The following SENP7 variants were observed in gnomAD, a reference collection of about 807,000 sequenced individuals.
SENP7 encodes sentrin-specific protease 7.
Under a neutral mutation model 141.2 loss-of-function variants are expected in SENP7, and 64 were observed. The ratio of observed to expected loss-of-function variants is 0.45; its 90% CI spans 0.37 to 0.56. The LOEUF (loss-of-function observed/expected upper bound fraction) is 0.56, where lower values mean the gene tolerates loss of function less well. Among genes scored for constraint, SENP7 ranks in the 20% least tolerant of loss-of-function variants. The probability of loss-of-function intolerance (pLI) is 0.00; values close to 1 mark genes in which losing one functional copy is unlikely to be tolerated. For missense variants in SENP7, 1,025 were observed against 1,212.2 expected, an observed-to-expected ratio of 0.85 and a Z score of 2.29; for synonymous variants, 382 against 426.4, an observed-to-expected ratio of 0.90 and a Z score of 1.28.
At chr3:101,337,808 A>G (rs1288346639) in intron 16 of SENP7, among the ~76,000 whole-genome samples, 177 bp from the exon 17 acceptor site, 1 of 152,218 alleles carries the variant, frequency 6.6e-6, no homozygotes, top group Non-Finnish European at 1.5e-5. Context: ...TCCATCATGT[A>G]AAGCAGAAAT....
intron 17 of SENP7, among the ~76,000 whole-genome samples, chr3:101,334,361 A>G (rs1303823880): frequency 6.6e-6 from 1 of 152,186 alleles, no homozygotes; most frequent in Non-Finnish European, 1.5e-5. Flanking sequence ...ACAGGGGGAT[A>G]AAGGTGGTAT....
intron 7 of SENP7, among the ~76,000 whole-genome samples, chr3:101,369,583 T>C (rs2060125398): frequency 6.6e-6 from 1 of 152,166 alleles, no homozygotes; most frequent in African/African-American, 2.4e-5. Flanking sequence ...TTAAATTTTA[T>C]ATGTAATATT....
chr3:101,372,571 T>C (rs1003033666), intron 6 of SENP7, among the ~76,000 whole-genome samples: 4 of 152,114 alleles, frequency 2.6e-5, no homozygotes, highest in African/African-American at 9.6e-5. Flanking sequence ...TAGTATGTGG[T>C]AATAAATTTT....
Position 101,330,405 on chromosome 3 carries a change from G to C in SENP7, c.2699-19C>G, listed in dbSNP as rs554357929. ...TCATTATCTAGTTAGAAATAATTAA[G>C]CAGTTATGAGTGTTTATTGCATGTT... On this transcript the variant is annotated intron_variant, in intron 19 of 23. Transcript: ENST00000394095. 1 of 1,562,976 alleles carries C rather than the reference G, an allele frequency of 6.4e-7. No individual in the cohort carries two copies. The highest frequency in any genetic ancestry group is 1.1e-5 in the South Asian group (1 of 88,380).
rs894538361 is a variant in SENP7, at chr3:101,493,869, C to A, written c.186+4G>T. ...ACTTAAAATAAATTAATTTTATTTA[C>A]CACCTGCAAAGGGAGAGTCCAGCGT... On this transcript the variant is annotated splice_donor_region_variant and intron_variant, in intron 3 of 23. Coordinates refer to ENST00000394095, the MANE Select transcript of SENP7 (RefSeq NM_020654.5). 3.3e-6 allele frequency: 5 copies of A among 1,532,098 alleles called. No homozygotes were observed. In the Admixed American group the frequency reaches 5.1e-5, roughly 16 times the overall value. 94.9% of individuals were successfully genotyped at this position (1,532,098 alleles called of 1,614,324 possible).
At chr3:101,464,413 C>A (rs530626979) in intron 3 of SENP7, among the ~76,000 whole-genome samples, 1 of 152,158 alleles carries the variant, frequency 6.6e-6, no homozygotes, top group African/African-American at 2.4e-5. Context: ...CCTGTATTTA[C>A]AGCCACTCCC....
intron 13 of SENP7, among the ~76,000 whole-genome samples, chr3:101,344,221 T>C (rs553692112): frequency 1.3e-5 from 2 of 152,326 alleles, no homozygotes; most frequent in African/African-American, 4.8e-5. Context: ...CATTTAGTAA[T>C]AAACATTTGT....
At chr3:101,405,089 C>T (rs111318822) in intron 5 of SENP7, among the ~76,000 whole-genome samples, 193 of 152,206 alleles carry the variant, frequency 1.3e-3, no homozygotes, top group African/African-American at 3.6e-3. Flanking sequence ...TGTGGAAGCT[C>T]GCATCGTGAA....
At chr3:101,344,866 G>A (rs1185201905) in intron 13 of SENP7, among the ~76,000 whole-genome samples, 3 of 151,900 alleles carry the variant, frequency 2.0e-5, no homozygotes, top group African/African-American at 7.3e-5. Context: ...AGTTGGCCAG[G>A]CATGGTGGCT....
intron 2 of SENP7, among the ~76,000 whole-genome samples, chr3:101,499,000 G>C (rs548603320): frequency 3.5e-4 from 53 of 152,214 alleles, no homozygotes; most frequent in Non-Finnish European, 5.9e-4. Flanking sequence ...GGGACCACTG[G>C]TTTAAGGTAC....
chr3:101,455,286 T>C (rs1036531434), intron 4 of SENP7, among the ~76,000 whole-genome samples: 1 of 152,188 alleles, frequency 6.6e-6, no homozygotes, highest in African/African-American at 2.4e-5. Context: ...TTCCTCTCCA[T>C]TATAGTAAGA....
intron 2 of SENP7, 97 bp from the exon 3 acceptor site, chr3:101,494,065 G>A: frequency 1.7e-6 from 1 of 580,370 alleles, no homozygotes; most frequent in East Asian, 2.9e-5. Flanking sequence ...TCAATAATTT[G>A]CTAACTGTTT....
rs112369615 is a variant in SENP7, at chr3:101,351,829, A to C, written c.1624-178T>G. ...AAGACTTAGTTTTATGGAAATTTTAAGAACCCCATGTAAGTAATTTAATTC... is the reference window on the plus strand; with the variant it reads ...AAGACTTAGTTTTATGGAAATTTTACGAACCCCATGTAAGTAATTTAATTC... On this transcript the variant is annotated intron_variant, in intron 11 of 23. Transcript: ENST00000394095. Among the ~76,000 whole-genome samples the C allele has an allele frequency of 5.5e-3, 839 of 152,090 alleles. 12 individuals carry two copies. The highest frequency in any genetic ancestry group is 0.02 in the Middle Eastern group (6 of 294).
intron 3 of SENP7, among the ~76,000 whole-genome samples, chr3:101,489,506 C>T (rs200479463): frequency 6.6e-6 from 1 of 151,922 alleles, no homozygotes; most frequent in African/African-American, 2.4e-5. Flanking sequence ...GCAGGAGCCA[C>T]TATTCTTATA....
chr3:101,415,110 G>A (rs1426459025), intron 5 of SENP7, among the ~76,000 whole-genome samples: 1 of 86,076 alleles, frequency 1.2e-5, no homozygotes, highest in African/African-American at 3.5e-5. Flanking sequence ...AACTTAGAAG[G>A]GAAAAAAAAG....
intron 4 of SENP7, among the ~76,000 whole-genome samples, chr3:101,445,661 C>T: frequency 6.6e-6 from 1 of 152,036 alleles, no homozygotes; most frequent in South Asian, 2.1e-4. Flanking sequence ...TAGATAAAGA[C>T]ACACATAAAC....
intron 4 of SENP7, among the ~76,000 whole-genome samples, chr3:101,443,541 G>T (rs1341149235): frequency 1.3e-5 from 2 of 151,520 alleles, no homozygotes; most frequent in Admixed American, 6.6e-5. Flanking sequence ...TACCTTGGGC[G>T]GTATGGTCAT....
chr3:101,356,736 A>T (rs1435693296), intron 11 of SENP7, among the ~76,000 whole-genome samples: 1 of 152,128 alleles, frequency 6.6e-6, no homozygotes, highest in Non-Finnish European at 1.5e-5. Flanking sequence ...GAAAAAAAAA[A>T]GTGTTTCCAA....
chr3:101,438,452 G>A (rs1013179527), intron 4 of SENP7, among the ~76,000 whole-genome samples: 2 of 152,034 alleles, frequency 1.3e-5, no homozygotes, highest in African/African-American at 4.8e-5. Flanking sequence ...TTTTTAATGG[G>A]TTTCAGTTTT....
Sources: gnomAD v4.1 joint callset for allele counts (sites outside exome capture counted in the v4.1 genomes callset) on GRCh38, gnomAD v4.1.1 for gene constraint, MANE v1.5 for transcripts, NCBI Gene and HGNC (gene_info 2026-07-23, HGNC 2026-07-21) for gene names.